The following FGD4 variants were observed in gnomAD, a reference collection of about 807,000 sequenced individuals.
FGD4 encodes FYVE, RhoGEF and PH domain containing 4.
A neutral mutation model predicts 102.0 loss-of-function variants in FGD4; 42 were observed. The observed-to-expected ratio is 0.41, with a 90% CI of 0.32 to 0.53. FGD4 has a LOEUF of 0.53. Ranked by LOEUF, FGD4 falls within the 20% of genes least tolerant of loss-of-function variation. The pLI is 0.21. For missense variants in FGD4, 902 were observed against 1,078.2 expected, an observed-to-expected ratio of 0.84 and a Z score of 2.29; for synonymous variants, 380 against 375.7, an observed-to-expected ratio of 1.01 and a Z score of -0.13.
chr12:32,434,438 GTTTC>G (rs905494173), intron 1 of FGD4, among the ~76,000 whole-genome samples: 9 of 152,274 alleles, frequency 5.9e-5, no homozygotes, highest in African/African-American at 2.2e-4. Context: ...ATTGAAAATA[GTTTC>G]TTTCTCCCTT....
chr12:32,410,327 C>CAAA (rs571141498), intron 1 of FGD4, among the ~76,000 whole-genome samples: 17 of 137,932 alleles, frequency 1.2e-4, no homozygotes, highest in South Asian at 7.0e-4. Flanking sequence ...GATTCCGTCT[C>CAAA]AAAAAAAAAA....
intron 1 of FGD4, among the ~76,000 whole-genome samples, chr12:32,515,826 A>G (rs2136699381): frequency 6.6e-6 from 1 of 152,362 alleles, no homozygotes; most frequent in Non-Finnish European, 1.5e-5. Context: ...TCTTTTGAAT[A>G]TAAAAATGAT....
At chr12:32,532,495 C>T (rs1391617252) in intron 1 of FGD4, among the ~76,000 whole-genome samples, 2 of 151,912 alleles carry the variant, frequency 1.3e-5, no homozygotes, top group Admixed American at 1.3e-4. Context: ...TAAATTATTA[C>T]CCTGCAATAA....
chr12:32,596,420 G>A (rs1437315813), intron 4 of FGD4, among the ~76,000 whole-genome samples: 2 of 152,196 alleles, frequency 1.3e-5, no homozygotes, highest in African/African-American at 4.8e-5. Context: ...TTTGAGTGAT[G>A]TGTTTGGAGG....
intron 1 of FGD4, among the ~76,000 whole-genome samples, chr12:32,491,075 G>T (rs752654486): frequency 7.2e-6 from 1 of 139,440 alleles, no homozygotes; most frequent in East Asian, 2.2e-4. Context: ...TCTTTTCAAT[G>T]ACTTTTGGTT....
intron 1 of FGD4, among the ~76,000 whole-genome samples, chr12:32,480,736 T>C (rs1489241597): frequency 2.0e-5 from 3 of 151,458 alleles, no homozygotes; most frequent in East Asian, 3.9e-4. Context: ...CCTGACCTCG[T>C]GATCCGCCCT....
chr12:32,555,705 G>A (rs1354063907), intron 1 of FGD4, among the ~76,000 whole-genome samples: 1 of 151,208 alleles, frequency 6.6e-6, no homozygotes, highest in African/African-American at 2.4e-5. Flanking sequence ...CCGAGTAGCT[G>A]GGACCACAGG....
At chr12:32,517,586 G>A (rs1182602739) in intron 1 of FGD4, among the ~76,000 whole-genome samples, 1 of 152,182 alleles carries the variant, frequency 6.6e-6, no homozygotes, top group Non-Finnish European at 1.5e-5. Context: ...CTAGACTGAT[G>A]TGTAGGAGAT....
intron 14 of FGD4, 70 bp from the exon 15 acceptor site, chr12:32,633,479 C>G (rs1342138941): frequency 6.7e-7 from 1 of 1,484,132 alleles, no homozygotes; most frequent in Non-Finnish European, 9.3e-7. Context: ...TTATTATTAC[C>G]TATAACTGAT....
Position 32,559,288 on chromosome 12 carries a change from C to A in FGD4, c.167-4849C>A, listed in dbSNP as rs151194120. On this transcript the variant is annotated intron_variant, in intron 1 of 16. Transcript: ENST00000534526. ...TGAAGTGTTTAATGAAAGGGTGCTTCTTTTAGGCAAACTTCTTTTACCATG... is the reference window on the plus strand; with the variant it reads ...TGAAGTGTTTAATGAAAGGGTGCTTATTTTAGGCAAACTTCTTTTACCATG... Among the ~76,000 whole-genome samples the A allele has an allele frequency of 9.1e-4, 139 of 152,256 alleles. 1 individual carries two copies. The highest frequency in any genetic ancestry group is 1.5e-3 in the Non-Finnish European group (103 of 68,008).
intron 16 of FGD4, among the ~76,000 whole-genome samples, chr12:32,639,870 TC>T (rs1951064637): frequency 6.6e-6 from 1 of 152,260 alleles, no homozygotes; most frequent in African/African-American, 2.4e-5. Flanking sequence ...CTATAAGCTT[TC>T]TATGTCCATA....
intron 4 of FGD4, among the ~76,000 whole-genome samples, chr12:32,592,859 G>T (rs1672339936): frequency 6.6e-6 from 1 of 151,904 alleles, no homozygotes; most frequent in African/African-American, 2.4e-5. Context: ...AATTTATGTT[G>T]GAAAAAAATA....
At chr12:32,420,216 G>T (rs534887612) in intron 1 of FGD4, among the ~76,000 whole-genome samples, 1 of 152,106 alleles carries the variant, frequency 6.6e-6, no homozygotes, top group African/African-American at 2.4e-5. Flanking sequence ...GTATTTTGGG[G>T]TATTGTTTTC....
Position 32,522,071 on chromosome 12 carries a change from A to G in FGD4, c.167-42066A>G, listed in dbSNP as rs969553206. Among the ~76,000 whole-genome samples, 15 of 152,336 alleles carry G rather than the reference A, an allele frequency of 9.8e-5. No individual in the cohort carries two copies. The South Asian group carries it at 2.1e-3, about 21-fold the overall frequency. On this transcript the variant is annotated intron_variant, in intron 1 of 16. Coordinates refer to ENST00000534526, the MANE Select transcript of FGD4 (RefSeq NM_001370298.3). The stretch of plus-strand genomic sequence containing the variant: ...ATGGAAATGAGCTGTTTTTTAAAAA[A>G]TTAGTTCCCTTTTTATCTTTGACCT...
chr12:32,453,058 A>G (rs1251731782), intron 1 of FGD4, among the ~76,000 whole-genome samples: 2 of 151,444 alleles, frequency 1.3e-5, no homozygotes, highest in Non-Finnish European at 2.9e-5. Flanking sequence ...AACTTATGCA[A>G]AGTAAAGACT....
chr12:32,564,374 G>C lies in FGD4; in HGVS notation c.319+85G>C, dbSNP rs1010430872. 2.7e-6 allele frequency: 4 copies of C among 1,462,892 alleles called. No homozygotes were observed. The African/African-American group carries it at 4.2e-5, about 15-fold the overall frequency. 90.6% of individuals were successfully genotyped at this position (1,462,892 alleles called of 1,614,324 possible). On this transcript the variant is annotated intron_variant, in intron 2 of 16. Transcript: ENST00000534526. ...CAGAAAAATGATGGCCACAAAGAAA[G>C]TGTTTTAAGCTAGAAGGAAGGAATT...
chr12:32,487,130 A>G (rs1943932416), intron 1 of FGD4, among the ~76,000 whole-genome samples: 1 of 152,200 alleles, frequency 6.6e-6, no homozygotes, highest in South Asian at 2.1e-4. Flanking sequence ...TAGATATTTA[A>G]AATTTTTCTA....
intron 1 of FGD4, chr12:32,556,943 C>T (rs748141920): frequency 6.6e-6 from 1 of 152,248 alleles, no homozygotes; most frequent in Non-Finnish European, 1.5e-5. Flanking sequence ...ACCTCCGCCT[C>T]CCGGATTCAA....
intron 7 of FGD4, among the ~76,000 whole-genome samples, chr12:32,607,492 G>C (rs966212738): frequency 1.3e-5 from 2 of 151,808 alleles, no homozygotes; most frequent in Admixed American, 6.5e-5. Flanking sequence ...GATTGAGGTG[G>C]GGTTCAGAAA....
Sources: allele counts gnomAD v4.1 joint callset (sites outside exome capture counted in the v4.1 genomes callset), GRCh38; gene constraint gnomAD v4.1.1; transcripts MANE v1.5; gene names NCBI Gene and HGNC (gene_info 2026-07-23, HGNC 2026-07-21).